TPD52: variants seen among roughly 807,000 people sequenced by gnomAD.
TPD52 encodes tumor protein D52.
Under a neutral mutation model 31.3 loss-of-function variants are expected in TPD52, and 17 were observed. That is an observed-to-expected ratio of 0.54 (90% CI 0.37 to 0.82). The LOEUF (loss-of-function observed/expected upper bound fraction) is 0.82, where lower values mean the gene tolerates loss of function less well. Ranked by LOEUF, TPD52 falls within the 40% of genes least tolerant of loss-of-function variation. TPD52 has a pLI of 0.00. For missense variants in TPD52, 212 were observed against 240.1 expected (o/e 0.88, Z 0.77); for synonymous variants, 83 against 89.6 (o/e 0.93, Z 0.42).
In TPD52 at chr8:80,163,997, G is replaced by C. The variant is rs189522639; in HGVS notation, c.19+7428C>G. ...TATTGGGGTATTGAATAAAGAAACA[G>C]ACCAAATTCTAACTGTGAGAGAGAG... On this transcript the variant is annotated intron_variant, in intron 1 of 7. Coordinates refer to ENST00000518937, the MANE Select transcript of TPD52 (RefSeq NM_001025253.3). 1.8e-3 allele frequency among the ~76,000 whole-genome samples: 250 copies of C among 141,184 alleles called. 3 individuals are homozygous for C. The highest frequency in any genetic ancestry group is 6.1e-3 in the African/African-American group (224 of 36,998). 92.6% of individuals were successfully genotyped at this position (141,184 alleles called of 152,430 possible). A position where few individuals can be genotyped will look rare whatever the true frequency, so the allele number is the denominator to read the frequency against.
intron 2 of TPD52, among the ~76,000 whole-genome samples, chr8:80,061,256 C>G (rs543791778): frequency 6.6e-6 from 1 of 151,864 alleles, no homozygotes; most frequent in Non-Finnish European, 1.5e-5. Flanking sequence ...CCCAGCTACT[C>G]GGGAGGCTGA....
At chr8:80,168,582 G>A (rs1298840010) in intron 1 of TPD52, among the ~76,000 whole-genome samples, 1 of 152,194 alleles carries the variant, frequency 6.6e-6, no homozygotes, top group African/African-American at 2.4e-5. Flanking sequence ...GTTTGCTAGT[G>A]AACACCAGGT....
chr8:80,075,473 A>C (rs1814432885), intron 1 of TPD52, among the ~76,000 whole-genome samples: 1 of 152,266 alleles, frequency 6.6e-6, no homozygotes, highest in Non-Finnish European at 1.5e-5. Context: ...TTCACTTCAC[A>C]GAAAGAGTGG....
At chr8:80,170,185 C>T (rs1028630915) in intron 1 of TPD52, among the ~76,000 whole-genome samples, 3 of 152,082 alleles carry the variant, frequency 2.0e-5, no homozygotes, top group East Asian at 1.9e-4. Flanking sequence ...GAGGCTGAGG[C>T]GGGTGGATCA....
chr8:80,099,425 AAAT>A (rs1305306848), intron 1 of TPD52, among the ~76,000 whole-genome samples: 1 of 152,226 alleles, frequency 6.6e-6, no homozygotes, highest in Non-Finnish European at 1.5e-5. Context: ...GAGATGCTGC[AAAT>A]GATGGGAGGG....
At chr8:80,105,154 A>G (rs4740104) in intron 1 of TPD52, among the ~76,000 whole-genome samples, 66,577 of 151,928 alleles carry the variant, frequency 0.44, 15,147 homozygotes, top group East Asian at 0.79. Flanking sequence ...CCTAGACTGG[A>G]GTGCAGAGGC....
intron 1 of TPD52, among the ~76,000 whole-genome samples, chr8:80,161,231 A>T (rs968492199): frequency 3.3e-5 from 5 of 152,220 alleles, no homozygotes; most frequent in Non-Finnish European, 7.3e-5. Context: ...ACATTCTTAC[A>T]TACCTGCCTT....
intron 1 of TPD52, chr8:80,067,109 TATAC>T (rs1813241313): frequency 6.6e-6 from 1 of 152,202 alleles, no homozygotes; most frequent in South Asian, 2.1e-4. Context: ...ATGCTTTATG[TATAC>T]TGCCCAATTC....
At chr8:80,125,299 C>T (rs1005052575) in intron 1 of TPD52, among the ~76,000 whole-genome samples, 7 of 152,236 alleles carry the variant, frequency 4.6e-5, no homozygotes, top group African/African-American at 1.4e-4. Flanking sequence ...ATATTAATAA[C>T]GAGACCCCCT....
At chr8:80,136,674 G>C (rs1809459265) in intron 1 of TPD52, among the ~76,000 whole-genome samples, 1 of 151,848 alleles carries the variant, frequency 6.6e-6, no homozygotes. Context: ...CCAAGAAACA[G>C]TATGGAGAAT....
intron 1 of TPD52, among the ~76,000 whole-genome samples, chr8:80,163,688 A>G (rs897350919): frequency 2.6e-5 from 4 of 152,222 alleles, no homozygotes; most frequent in African/African-American, 9.6e-5. Flanking sequence ...AGTAACAGGC[A>G]TCGAAAAGCT....
chr8:80,098,330 T>A (rs1479014930), intron 1 of TPD52, among the ~76,000 whole-genome samples: 2 of 152,144 alleles, frequency 1.3e-5, no homozygotes, highest in Non-Finnish European at 2.9e-5. Flanking sequence ...ATTGCTCGGG[T>A]GGGTCTGGGC....
intron 1 of TPD52, among the ~76,000 whole-genome samples, chr8:80,158,117 T>C (rs1403374190): frequency 6.6e-6 from 1 of 152,112 alleles, no homozygotes; most frequent in East Asian, 1.9e-4. Flanking sequence ...CAAATTCCCA[T>C]CACTTAATCC....
chr8:80,045,223 C>T (rs2130439800), intron 5 of TPD52, among the ~76,000 whole-genome samples: 2 of 152,226 alleles, frequency 1.3e-5, no homozygotes, highest in Admixed American at 1.3e-4. Flanking sequence ...TAATTCTTTT[C>T]CTACTTTGGA....
intron 1 of TPD52, among the ~76,000 whole-genome samples, chr8:80,075,959 A>C (rs1814488263): frequency 6.6e-6 from 1 of 152,262 alleles, no homozygotes; most frequent in Admixed American, 6.5e-5. Flanking sequence ...CAGAATGAAA[A>C]GAACTATGAG....
rs1461529269 is a variant in TPD52 at position 80,037,055 on chromosome 8, T to C, written c.*1061A>G. The C allele has an allele frequency of 4.6e-5, 7 of 152,620 alleles. No homozygotes were observed. Among genetic ancestry groups the C allele is most frequent in the South Asian group, 2.1e-4 (1 of 4,836 alleles). 9.5% of individuals were successfully genotyped at this position (152,620 alleles called of 1,614,324 possible). On this transcript the variant is annotated 3_prime_UTR_variant, in exon 8 of 8. Transcript: ENST00000518937. ...GTATCATTTTACAGTTTCCAACACA[T>C]TGAAAACAAGTAGAAAATGATGAGT...
chr8:80,086,412 T>C (rs943996861), intron 1 of TPD52, among the ~76,000 whole-genome samples: 38 of 151,978 alleles, frequency 2.5e-4, no homozygotes, highest in Admixed American at 2.5e-3. Context: ...CCACCGAGCC[T>C]GACCGGAAGG....
At chr8:80,061,683 A>G (rs1447654785) in intron 2 of TPD52, among the ~76,000 whole-genome samples, 1 of 152,146 alleles carries the variant, frequency 6.6e-6, no homozygotes, top group African/African-American at 2.4e-5. Flanking sequence ...TACCTGTCTC[A>G]AAAAAATTTT....
intron 1 of TPD52, among the ~76,000 whole-genome samples, chr8:80,168,431 A>G (rs1811857945): frequency 6.6e-6 from 1 of 152,244 alleles, no homozygotes; most frequent in African/African-American, 2.4e-5. Context: ...AGGGACAAAT[A>G]TAAGAAAACT....
Sources: gnomAD v4.1 joint callset for allele counts (sites outside exome capture counted in the v4.1 genomes callset) on GRCh38, gnomAD v4.1.1 for gene constraint, MANE v1.5 for transcripts, NCBI Gene and HGNC (gene_info 2026-07-23, HGNC 2026-07-21) for gene names.